Variants in ANAPC10 observed in about 807,000 individuals in gnomAD.
ANAPC10 encodes the protein anaphase-promoting complex subunit 10.
Under a neutral mutation model 22.0 loss-of-function variants are expected in ANAPC10, and 12 were observed. That is an observed-to-expected ratio of 0.55 (90% CI 0.35 to 0.88). ANAPC10 has a LOEUF of 0.88. Among genes scored for constraint, ANAPC10 ranks in the 40% least tolerant of loss-of-function variants. The probability of loss-of-function intolerance (pLI) is 0.01; values close to 1 mark genes in which losing one functional copy is unlikely to be tolerated. For missense variants in ANAPC10, 188 were observed against 220.9 expected, an observed-to-expected ratio of 0.85 and a Z score of 0.94; for synonymous variants, 65 against 69.5, an observed-to-expected ratio of 0.94 and a Z score of 0.32.
At chr4:145,034,533 ATATATATATATG>A (rs1483331200) in intron 4 of ANAPC10, among the ~76,000 whole-genome samples, 1 of 138,446 alleles carries the variant, frequency 7.2e-6, no homozygotes, top group African/African-American at 2.9e-5. Context: ...TTATATATAT[ATATATATATATG>A]TGTGTGTGTG....
At chr4:145,056,530 C>T (rs1164830111) in intron 4 of ANAPC10, among the ~76,000 whole-genome samples, 1 of 152,106 alleles carries the variant, frequency 6.6e-6, no homozygotes, top group Non-Finnish European at 1.5e-5. Flanking sequence ...TTCCCTCTTG[C>T]GCAAGATATA....
At chr4:145,070,521 C>A (rs1744343509) in intron 3 of ANAPC10, among the ~76,000 whole-genome samples, 1 of 152,136 alleles carries the variant, frequency 6.6e-6, no homozygotes, top group African/African-American at 2.4e-5. Flanking sequence ...TGTGGAGAAA[C>A]TGGAACTTCT....
At chr4:145,016,984 A>G (rs1735268124) in intron 4 of ANAPC10, among the ~76,000 whole-genome samples, 1 of 152,238 alleles carries the variant, frequency 6.6e-6, no homozygotes, top group South Asian at 2.1e-4. Flanking sequence ...GATGGATTAA[A>G]GACTTAAATG....
chr4:145,005,857 G>A (rs1733260379), intron 4 of ANAPC10, among the ~76,000 whole-genome samples: 1 of 152,016 alleles, frequency 6.6e-6, no homozygotes, highest in South Asian at 2.1e-4. Context: ...AATGTCTTAG[G>A]ATTGTTTTAT....
At chr4:145,045,668 C>T (rs564475170) in intron 4 of ANAPC10, among the ~76,000 whole-genome samples, 9 of 152,124 alleles carry the variant, frequency 5.9e-5, no homozygotes, top group Admixed American at 1.3e-4. Flanking sequence ...TGAATGTATA[C>T]GTGATCTTCT....
At chr4:145,041,864 C>CA (rs983434852) in intron 4 of ANAPC10, among the ~76,000 whole-genome samples, 4 of 152,072 alleles carry the variant, frequency 2.6e-5, no homozygotes, top group South Asian at 2.1e-4. Context: ...TCAAGAAACT[C>CA]AGAGTGAAAT....
intron 4 of ANAPC10, among the ~76,000 whole-genome samples, chr4:145,003,162 A>G (rs1214225043): frequency 6.6e-6 from 1 of 152,194 alleles, no homozygotes; most frequent in East Asian, 1.9e-4. Flanking sequence ...ACTGGCATCC[A>G]GCTCCATCCA....
In ANAPC10 at chr4:144,995,544, CTTA is replaced by C; in HGVS notation, c.384_386del (p.His128_Lys129delinsGln). ...GTATCATGAATGTACGAGTTGGCTT[CTTA>C]TGATTGTCAGTTAAGGGAACATGAA... is the stretch of plus-strand genomic sequence containing the variant. On this transcript the variant is annotated inframe_deletion, in exon 5 of 5. Transcript: ENST00000507656. The C allele has an allele frequency of 6.2e-7, 1 of 1,613,786 alleles. No homozygotes were observed. Among genetic ancestry groups the C allele is most frequent in the Non-Finnish European group, 8.5e-7 (1 of 1,179,888 alleles).
At chr4:145,011,668 A>AT (rs1173932161) in intron 4 of ANAPC10, among the ~76,000 whole-genome samples, 3 of 152,148 alleles carry the variant, frequency 2.0e-5, no homozygotes, top group Non-Finnish European at 4.4e-5. Flanking sequence ...AGTCAGAGAA[A>AT]CATGCAGAGC....
intron 3 of ANAPC10, among the ~76,000 whole-genome samples, chr4:145,073,578 C>T (rs532167980): frequency 2.0e-5 from 3 of 152,096 alleles, no homozygotes; most frequent in East Asian, 1.9e-4. Context: ...TTATAAAGTA[C>T]TTTCTGTTCA....
rs865968561 is a variant in ANAPC10, at chr4:145,018,998, G to C, written c.328-23395C>G. Among the ~76,000 whole-genome samples the C allele has an allele frequency of 3.9e-5, 6 of 152,258 alleles. 1 individual carries two copies. Among genetic ancestry groups the C allele is most frequent in the African/African-American group, 7.2e-5 (3 of 41,556 alleles). On this transcript the variant is annotated intron_variant, in intron 4 of 4. Coordinates refer to ENST00000507656, the MANE Select transcript of ANAPC10 (RefSeq NM_001256706.2). Reference sequence around the variant, plus strand: ...TGAGATAGACAGCAACACCATAACAGTGGGGGACTTAAATACTCCACTGAC... The same window carrying C: ...TGAGATAGACAGCAACACCATAACACTGGGGGACTTAAATACTCCACTGAC...
chr4:145,078,957 C>G (rs1745574096), intron 3 of ANAPC10, among the ~76,000 whole-genome samples: 1 of 151,898 alleles, frequency 6.6e-6, no homozygotes, highest in Non-Finnish European at 1.5e-5. Context: ...CTAGAAATAC[C>G]TAGAACATAG....
intron 4 of ANAPC10, among the ~76,000 whole-genome samples, chr4:145,052,173 G>C (rs568247289): frequency 1.3e-5 from 2 of 152,238 alleles, no homozygotes; most frequent in South Asian, 2.1e-4. Flanking sequence ...TAAGAAATAA[G>C]TTCAAGTCAT....
intron 2 of ANAPC10, among the ~76,000 whole-genome samples, chr4:145,083,539 G>C (rs1391872271): frequency 6.6e-6 from 1 of 152,020 alleles, no homozygotes; most frequent in African/African-American, 2.4e-5. Flanking sequence ...AAATGTAAAA[G>C]AATACCTATT....
chr4:145,056,147 C>T (rs1404136064), intron 4 of ANAPC10, among the ~76,000 whole-genome samples: 2 of 152,142 alleles, frequency 1.3e-5, no homozygotes, highest in African/African-American at 2.4e-5. Flanking sequence ...CATGCTAAGT[C>T]ACCAGATGAG....
At position 145,043,618 on chromosome 4, in the gene ANAPC10, T is replaced by A. The variant is rs34450192; in HGVS notation, c.327+20954A>T. 8.5e-3 allele frequency among the ~76,000 whole-genome samples: 1,295 copies of A among 152,268 alleles called. 10 individuals carry two copies. The highest frequency in any genetic ancestry group is 0.011 in the Non-Finnish European group (779 of 67,994). The stretch of plus-strand genomic sequence containing the variant: ...TACTTTAGGTGAAATATACCATCAA[T>A]TCTTTCCATTATAAATCTTTTTTTA... On this transcript the variant is annotated intron_variant, in intron 4 of 4. Transcript: ENST00000507656.
Position 145,027,370 on chromosome 4 carries a change from G to A in ANAPC10, c.328-31767C>T, listed in dbSNP as rs765455611. On this transcript the variant is annotated intron_variant, in intron 4 of 4. Coordinates refer to ENST00000507656, the MANE Select transcript of ANAPC10 (RefSeq NM_001256706.2). ...CAGGAAAACAAAAGAAGTAGAAAAT[G>A]AGAAAATTAGGGGTCTAATGCAGGA... Among the ~76,000 whole-genome samples the A allele has an allele frequency of 1.5e-4, 23 of 151,908 alleles. 1 individual carries two copies. The highest frequency in any genetic ancestry group is 4.4e-5 in the Non-Finnish European group (3 of 68,004).
chr4:145,035,761 T>C (rs1427964624), intron 4 of ANAPC10, among the ~76,000 whole-genome samples: 1 of 152,204 alleles, frequency 6.6e-6, no homozygotes, highest in Non-Finnish European at 1.5e-5. Flanking sequence ...TTCACGCTCA[T>C]CTGTTTACAT....
chr4:145,029,997 T>C (rs938144851), intron 4 of ANAPC10, among the ~76,000 whole-genome samples: 3 of 152,172 alleles, frequency 2.0e-5, no homozygotes, highest in South Asian at 2.1e-4. Flanking sequence ...AATCCCAAGG[T>C]GGCAGGCGCT....
Sources: allele counts gnomAD v4.1 joint callset (sites outside exome capture counted in the v4.1 genomes callset), GRCh38; gene constraint gnomAD v4.1.1; transcripts MANE v1.5; gene names NCBI Gene and HGNC (gene_info 2026-07-23, HGNC 2026-07-21).